Variants in RANBP17 observed in about 807,000 individuals in gnomAD.
RANBP17 encodes RAN binding protein 17, also known as ran-binding protein 17.
Under a neutral mutation model 141.2 loss-of-function variants are expected in RANBP17, and 158 were observed. The observed-to-expected ratio is 1.12, with a 90% confidence interval of 0.98 to 1.28. The LOEUF is 1.28. RANBP17 is among the 50% of genes most tolerant of loss of function. The probability of loss-of-function intolerance (pLI) is 0.00; values close to 1 mark genes in which losing one functional copy is unlikely to be tolerated. For missense variants in RANBP17, 1,438 were observed against 1,290.7 expected (o/e 1.11, Z -1.75); for synonymous variants, 430 against 450.0 (o/e 0.96, Z 0.56).
chr5:170,980,621 T>G (rs991938106), intron 14 of RANBP17, among the ~76,000 whole-genome samples: 1 of 152,210 alleles, frequency 6.6e-6, no homozygotes, highest in African/African-American at 2.4e-5. Flanking sequence ...CCATGTGGTG[T>G]TGAGCCTGCA....
intron 13 of RANBP17, among the ~76,000 whole-genome samples, chr5:170,957,113 A>G (rs947457277): frequency 1.3e-4 from 20 of 150,884 alleles, no homozygotes; most frequent in South Asian, 4.3e-4. Context: ...ACACACGCGC[A>G]CACTGCCACT....
At chr5:171,213,847 C>A in intron 21 of RANBP17, 109 bp downstream of exon 21, 1 of 824,332 alleles carries the variant, frequency 1.2e-6, no homozygotes, top group Non-Finnish European at 2.1e-6. Flanking sequence ...TAGCAAGAGC[C>A]CAGGAACCAA....
intron 15 of RANBP17, among the ~76,000 whole-genome samples, chr5:171,170,471 G>A (rs1760024369): frequency 6.6e-6 from 1 of 151,930 alleles, no homozygotes; most frequent in African/African-American, 2.4e-5. Flanking sequence ...TACAGACCTT[G>A]ACTCTTCAGA....
chr5:171,189,557 G>A (rs187539223), intron 18 of RANBP17, among the ~76,000 whole-genome samples: 1 of 152,312 alleles, frequency 6.6e-6, no homozygotes, highest in East Asian at 1.9e-4. Flanking sequence ...CGTCATTGTG[G>A]CTCCTGGAAT....
At chr5:171,287,571 C>CTT (rs1018309839) in intron 25 of RANBP17, among the ~76,000 whole-genome samples, 1 of 145,092 alleles carries the variant, frequency 6.9e-6, no homozygotes, top group Non-Finnish European at 1.5e-5. Flanking sequence ...TCTGATCATC[C>CTT]TTTTTTTTTT....
chr5:171,006,318 T>A (rs1313405687), intron 14 of RANBP17, among the ~76,000 whole-genome samples: 2 of 152,180 alleles, frequency 1.3e-5, no homozygotes, highest in Non-Finnish European at 2.9e-5. Context: ...GTGGCACTAT[T>A]CACAATAGCA....
At chr5:170,990,623 G>A (rs965539115) in intron 14 of RANBP17, among the ~76,000 whole-genome samples, 3 of 151,914 alleles carry the variant, frequency 2.0e-5, no homozygotes, top group Admixed American at 6.6e-5. Context: ...AAGTAAAGGC[G>A]CTTCACACTG....
At chr5:171,027,016 T>C (rs1781276680) in intron 14 of RANBP17, among the ~76,000 whole-genome samples, 1 of 152,112 alleles carries the variant, frequency 6.6e-6, no homozygotes, top group South Asian at 2.1e-4. Context: ...GAGATCTAGG[T>C]TGCGGACTCC....
intron 14 of RANBP17, among the ~76,000 whole-genome samples, chr5:170,994,008 A>T (rs1778665266): frequency 6.6e-6 from 1 of 152,108 alleles, no homozygotes; most frequent in Non-Finnish European, 1.5e-5. Context: ...ACCTTAAACG[A>T]TCCTTAGCAG....
chr5:171,141,982 C>T (rs998033012), intron 14 of RANBP17, among the ~76,000 whole-genome samples: 3 of 152,034 alleles, frequency 2.0e-5, no homozygotes, highest in African/African-American at 4.8e-5. Context: ...AATTTGCATG[C>T]CTTCAAAGTA....
rs1420687435 is a variant in RANBP17, at chr5:171,299,819, G to A, written c.*961G>A. ...CACCCCAAACCCAGAACATGAAGAAGACCTTTACAGTTTGTGCTCTACTGT... is the reference window on the plus strand; with the variant it reads ...CACCCCAAACCCAGAACATGAAGAAAACCTTTACAGTTTGTGCTCTACTGT... On this transcript the variant is annotated 3_prime_UTR_variant, in exon 28 of 28. Transcript: ENST00000523189. 2 of 222,908 alleles carry A rather than the reference G, an allele frequency of 9.0e-6. No individual in the cohort carries two copies. Among genetic ancestry groups the A allele is most frequent in the Non-Finnish European group, 1.8e-5 (2 of 111,620 alleles). The allele number at this position is 222,908 out of a possible 1,614,324, so 13.8% of individuals were successfully genotyped here.
intron 14 of RANBP17, among the ~76,000 whole-genome samples, chr5:171,132,868 C>A (rs764321152): frequency 1.3e-5 from 2 of 151,886 alleles, no homozygotes; most frequent in African/African-American, 4.8e-5. Context: ...TTAAATAATT[C>A]TTGAGATTAG....
chr5:170,938,333 C>T (rs528875749), intron 12 of RANBP17, among the ~76,000 whole-genome samples: 2 of 152,196 alleles, frequency 1.3e-5, no homozygotes, highest in East Asian at 1.9e-4. Flanking sequence ...AAACCTCTTC[C>T]AAAGGATCAA....
At chr5:171,053,419 A>G (rs916652855) in intron 14 of RANBP17, among the ~76,000 whole-genome samples, 2 of 151,996 alleles carry the variant, frequency 1.3e-5, no homozygotes, top group South Asian at 2.1e-4. Flanking sequence ...TAGAATTTTC[A>G]TTGTACAAAT....
intron 14 of RANBP17, among the ~76,000 whole-genome samples, chr5:171,160,434 A>G (rs546251178): frequency 6.6e-6 from 1 of 152,218 alleles, no homozygotes; most frequent in Non-Finnish European, 1.5e-5. Context: ...TGAAAATTTT[A>G]CTGTATACCA....
chr5:171,267,493 C>A (rs1026490438), intron 25 of RANBP17, among the ~76,000 whole-genome samples: 5 of 151,974 alleles, frequency 3.3e-5, no homozygotes, highest in Admixed American at 2.6e-4. Context: ...CGTTAGGGAG[C>A]AAATAAGTTG....
intron 12 of RANBP17, among the ~76,000 whole-genome samples, chr5:170,945,807 T>C (rs1774699618): frequency 6.6e-6 from 1 of 152,172 alleles, no homozygotes; most frequent in African/African-American, 2.4e-5. Flanking sequence ...TTATGTGTCT[T>C]GTTTTGGGAA....
chr5:170,918,504 A>C lies in RANBP17; in HGVS notation c.955-209A>C, dbSNP rs150053297. Among the ~76,000 whole-genome samples the C allele has an allele frequency of 5.7e-3, 862 of 152,020 alleles. 8 individuals are homozygous for C. The highest frequency in any genetic ancestry group is 0.02 in the African/African-American group (820 of 41,480). On this transcript the variant is annotated intron_variant, in intron 9 of 27. Coordinates refer to ENST00000523189, the MANE Select transcript of RANBP17 (RefSeq NM_022897.5). ...ATGCAGATCTTCTTCCAAGGCCTCT[A>C]CTTTGGATTCCTTGTTATTAATCAT...
intron 16 of RANBP17, among the ~76,000 whole-genome samples, chr5:171,174,830 T>A (rs771181511): frequency 2.0e-5 from 3 of 151,354 alleles, no homozygotes; most frequent in Non-Finnish European, 4.4e-5. Context: ...CTTTAAGTTC[T>A]GGGATACATG....
Sources: gnomAD v4.1 joint callset for allele counts (sites outside exome capture counted in the v4.1 genomes callset) on GRCh38, gnomAD v4.1.1 for gene constraint, MANE v1.5 for transcripts, NCBI Gene and HGNC (gene_info 2026-07-23, HGNC 2026-07-21) for gene names.